The following COG3 variants were observed in gnomAD, a reference collection of about 807,000 sequenced individuals.
COG3 encodes conserved oligomeric Golgi complex subunit 3.
In COG3, 32 loss-of-function variants were observed where a neutral mutation model predicts 114.1. The ratio of observed to expected loss-of-function variants is 0.28; its 90% CI spans 0.21 to 0.38. The LOEUF is 0.38. Ranked by LOEUF, COG3 falls within the 10% of genes least tolerant of loss-of-function variation. The probability of loss-of-function intolerance (pLI) is 1.00; values close to 1 mark genes in which losing one functional copy is unlikely to be tolerated. For missense variants in COG3, 813 were observed against 973.2 expected, an observed-to-expected ratio of 0.84 and a Z score of 2.19; for synonymous variants, 352 against 365.7, an observed-to-expected ratio of 0.96 and a Z score of 0.43.
At chr13:45,491,643 C>A in intron 10 of COG3, 105 bp downstream of exon 10, 1 of 1,063,550 alleles carries the variant, frequency 9.4e-7, no homozygotes, top group Non-Finnish European at 1.3e-6. Flanking sequence ...CCATAGTTAA[C>A]TGAAAAAGCA....
chr13:45,478,457 G>A (rs1305935319), intron 2 of COG3, among the ~76,000 whole-genome samples: 1 of 150,904 alleles, frequency 6.6e-6, no homozygotes, highest in African/African-American at 2.4e-5. Flanking sequence ...GAGATTACAG[G>A]CGTGAGCCAC....
chr13:45,487,425 A>G (rs1886736082), intron 8 of COG3, among the ~76,000 whole-genome samples: 1 of 152,224 alleles, frequency 6.6e-6, no homozygotes, highest in Admixed American at 6.5e-5. Flanking sequence ...TCTGCCCAAC[A>G]AAGGAAAACA....
chr13:45,486,836 T>C lies in COG3; in HGVS notation c.924+261T>C, dbSNP rs1593694936. On this transcript the variant is annotated intron_variant, in intron 8 of 22. Coordinates refer to ENST00000349995, the MANE Select transcript of COG3 (RefSeq NM_031431.4). ...AGGTGATAGACGGGTTTTAAAAGCT[T>C]GGCTGGTGGTCTTGAAGGGACCAAT... 2.0e-5 allele frequency among the ~76,000 whole-genome samples: 3 copies of C among 152,292 alleles called. No homozygotes were observed. The Middle Eastern group carries it at 0.01, about 518-fold the overall frequency.
At chr13:45,488,000 A>T (rs564870039) in intron 8 of COG3, among the ~76,000 whole-genome samples, 1 of 152,344 alleles carries the variant, frequency 6.6e-6, no homozygotes, top group Non-Finnish European at 1.5e-5. Flanking sequence ...GGATGAATGG[A>T]TAAAGAAAAT....
chr13:45,478,224 C>T (rs1455469571), intron 2 of COG3, among the ~76,000 whole-genome samples: 1 of 145,544 alleles, frequency 6.9e-6, no homozygotes, highest in African/African-American at 2.5e-5. Context: ...CGGAGTCTCG[C>T]TCTGTCACCC....
intron 20 of COG3, among the ~76,000 whole-genome samples, chr13:45,528,763 A>G (rs1872912860): frequency 3.3e-5 from 5 of 152,218 alleles, no homozygotes. Flanking sequence ...GATGCATCGA[A>G]TACATCACTA....
At chr13:45,483,160 G>A in intron 6 of COG3, 70 bp from the exon 7 acceptor site, 1 of 1,224,342 alleles carries the variant, frequency 8.2e-7, no homozygotes, top group Non-Finnish European at 1.1e-6. Flanking sequence ...GGACACCTTG[G>A]TTTTCACTAA....
At position 45,519,655 on chromosome 13, in the gene COG3, A is replaced by G. The variant is rs372474696; in HGVS notation, c.2154+561A>G. On this transcript the variant is annotated intron_variant, in intron 19 of 22. Transcript: ENST00000349995. ...AAACTGTGACTTTAAGTGAAACAAC[A>G]TAAAATGAAACCAATTTTTTTTTCC... Among the ~76,000 whole-genome samples, 43 of 152,362 alleles carry G rather than the reference A, an allele frequency of 2.8e-4. No homozygotes were observed. In the South Asian group the frequency reaches 4.8e-3, roughly 17 times the overall value.
chr13:45,469,824 TATATTC>T (rs1483748851), intron 1 of COG3, among the ~76,000 whole-genome samples: 1 of 152,152 alleles, frequency 6.6e-6, no homozygotes, highest in African/African-American at 2.4e-5. Context: ...TAAAAACAAT[TATATTC>T]ATATATTTTG....
intron 1 of COG3, among the ~76,000 whole-genome samples, chr13:45,470,596 C>T (rs1885413503): frequency 6.6e-6 from 1 of 152,186 alleles, no homozygotes; most frequent in Admixed American, 6.5e-5. Flanking sequence ...CTACTGTGAT[C>T]GGTACACTTT....
chr13:45,483,050 G>A (rs539392941), intron 6 of COG3, among the ~76,000 whole-genome samples, 180 bp from the exon 7 acceptor site: 9 of 152,314 alleles, frequency 5.9e-5, no homozygotes, highest in African/African-American at 2.2e-4. Flanking sequence ...GGCACAGGGG[G>A]TTTGACTGTG....
At chr13:45,481,119 C>G (rs1179165101) in intron 4 of COG3, 111 bp from the exon 5 acceptor site, 21 of 664,036 alleles carry the variant, frequency 3.2e-5, no homozygotes, top group Non-Finnish European at 5.4e-5. Flanking sequence ...ATTCTCATAT[C>G]TGATATAAAC....
chr13:45,531,314 G>GT (rs1281549700), intron 22 of COG3: 2 of 152,888 alleles, frequency 1.3e-5, no homozygotes, highest in Admixed American at 1.3e-4. Flanking sequence ...TACCCAGTAT[G>GT]TATTAGGAGT....
At chr13:45,526,561 T>C (rs1183116851) in intron 20 of COG3, among the ~76,000 whole-genome samples, 1 of 152,228 alleles carries the variant, frequency 6.6e-6, no homozygotes, top group Admixed American at 6.5e-5. Flanking sequence ...GATGTCAATA[T>C]AGGTTTGAGT....
At chr13:45,523,418 G>T (rs1443693891) in intron 19 of COG3, among the ~76,000 whole-genome samples, 2 of 152,068 alleles carry the variant, frequency 1.3e-5, no homozygotes, top group Admixed American at 1.3e-4. Flanking sequence ...AGGTAAACAT[G>T]AAACTGTATA....
intron 7 of COG3, among the ~76,000 whole-genome samples, chr13:45,485,177 C>A (rs1832342160): frequency 6.8e-6 from 1 of 147,148 alleles, no homozygotes; most frequent in Non-Finnish European, 1.5e-5. Context: ...GTAGGGGCGG[C>A]CGGGCAGAGG....
intron 1 of COG3, among the ~76,000 whole-genome samples, chr13:45,471,135 G>A (rs1269107152): frequency 6.6e-6 from 1 of 152,184 alleles, no homozygotes; most frequent in Non-Finnish European, 1.5e-5. Context: ...TGGGCATGGT[G>A]GCTCACCCCT....
chr13:45,518,156 G>A (rs2137901946), intron 17 of COG3, among the ~76,000 whole-genome samples: 1 of 152,296 alleles, frequency 6.6e-6, no homozygotes, highest in African/African-American at 2.4e-5. Context: ...ATCTGGTCTG[G>A]CAAAGCAAAG....
chr13:45,528,596 G>T (rs1312956680), intron 20 of COG3, among the ~76,000 whole-genome samples: 1 of 152,100 alleles, frequency 6.6e-6, no homozygotes, highest in Non-Finnish European at 1.5e-5. Flanking sequence ...TACTATTAAA[G>T]TTTCCTTCCC....
Sources: allele counts gnomAD v4.1 joint callset (sites outside exome capture counted in the v4.1 genomes callset), GRCh38; gene constraint gnomAD v4.1.1; transcripts MANE v1.5; gene names NCBI Gene and HGNC (gene_info 2026-07-23, HGNC 2026-07-21).